Variants in SH3BGRL2 observed in about 807,000 individuals in gnomAD.
SH3BGRL2 encodes SH3 domain-binding glutamic acid-rich-like protein 2.
In SH3BGRL2, 21 loss-of-function variants were observed where a neutral mutation model predicts 14.8. The observed-to-expected ratio is 1.42, with a 90% CI of 1.01 to 2.05. The LOEUF (loss-of-function observed/expected upper bound fraction) is 2.05, where lower values mean the gene tolerates loss of function less well. Among genes scored for constraint, SH3BGRL2 ranks in the 30% most tolerant of loss-of-function variants. SH3BGRL2 has a pLI of 0.00. For missense variants in SH3BGRL2, 147 were observed against 130.8 expected (o/e 1.12, Z -0.61); for synonymous variants, 50 against 47.8 (o/e 1.05, Z -0.19).
At chr6:79,655,204 T>G (rs778712389) in intron 1 of SH3BGRL2, among the ~76,000 whole-genome samples, 14 of 152,054 alleles carry the variant, frequency 9.2e-5, no homozygotes, top group Non-Finnish European at 1.8e-4. Context: ...AGCATATGAG[T>G]TAGCTAGGTG....
chr6:79,670,013 G>GA (rs1364798469), intron 1 of SH3BGRL2, among the ~76,000 whole-genome samples: 1 of 152,208 alleles, frequency 6.6e-6, no homozygotes, highest in East Asian at 1.9e-4. Flanking sequence ...GGCATTGGGG[G>GA]ATCACACAGT....
At chr6:79,672,496 C>G (rs1769793344) in intron 1 of SH3BGRL2, among the ~76,000 whole-genome samples, 1 of 152,018 alleles carries the variant, frequency 6.6e-6, no homozygotes, top group Non-Finnish European at 1.5e-5. Flanking sequence ...TCTTGGAGAG[C>G]TTTTCATAAC....
At chr6:79,629,893 A>G (rs1013214031), upstream of SH3BGRL2, among the ~76,000 whole-genome samples, 1 of 152,214 alleles carries the variant, frequency 6.6e-6, no homozygotes, top group Non-Finnish European at 1.5e-5. Flanking sequence ...GAGTTTAACT[A>G]TATCTTCATA....
chr6:79,618,299 T>G, the SH3BGRL2 span, among the ~76,000 whole-genome samples: 1 of 152,206 alleles, frequency 6.6e-6, no homozygotes, highest in East Asian at 1.9e-4. Flanking sequence ...TTATTCAATT[T>G]TTATAATCAG....
the SH3BGRL2 span, among the ~76,000 whole-genome samples, chr6:79,610,063 A>T: frequency 6.6e-6 from 1 of 152,258 alleles, no homozygotes; most frequent in African/African-American, 2.4e-5. Context: ...CACTGAGTTT[A>T]CATTCGCTCC....
At chr6:79,547,564 C>A in the SH3BGRL2 span, among the ~76,000 whole-genome samples, 13,625 of 152,176 alleles carry the variant, frequency 0.09, 1,422 homozygotes, top group East Asian at 0.55. Context: ...AAGCTGGATC[C>A]ATTCCCTCTC....
chr6:79,563,632 T>C, the SH3BGRL2 span, among the ~76,000 whole-genome samples: 1 of 152,174 alleles, frequency 6.6e-6, no homozygotes, highest in East Asian at 1.9e-4. Context: ...TGCAGCCCAA[T>C]TGCCCCTGTA....
At chr6:79,552,195 C>T in the SH3BGRL2 span, among the ~76,000 whole-genome samples, 1 of 152,208 alleles carries the variant, frequency 6.6e-6, no homozygotes, top group Non-Finnish European at 1.5e-5. Context: ...GAGAAAGTTA[C>T]TGGAATCAGT....
At chr6:79,557,812 C>G in the SH3BGRL2 span, among the ~76,000 whole-genome samples, 29 of 152,260 alleles carry the variant, frequency 1.9e-4, no homozygotes, top group Non-Finnish European at 1.0e-4. Flanking sequence ...TTTTATGTCT[C>G]ACTTGGAAGG....
chr6:79,559,920 CTCTTAT>C, the SH3BGRL2 span, among the ~76,000 whole-genome samples: 3 of 152,194 alleles, frequency 2.0e-5, no homozygotes, highest in East Asian at 1.9e-4. Context: ...GTTATTTGTA[CTCTTAT>C]TCTTGTAAAT....
At chr6:79,553,520 C>T in the SH3BGRL2 span, among the ~76,000 whole-genome samples, 1 of 152,218 alleles carries the variant, frequency 6.6e-6, no homozygotes, top group East Asian at 1.9e-4. Context: ...CTTGCATGAA[C>T]AAGTAAATGA....
chr6:79,688,809 C>T (rs1035521339), intron 2 of SH3BGRL2, among the ~76,000 whole-genome samples: 5 of 152,152 alleles, frequency 3.3e-5, no homozygotes, highest in Admixed American at 3.3e-4. Context: ...CTATATTAAT[C>T]TTAAATTATT....
At chr6:79,537,717 G>A in the SH3BGRL2 span, among the ~76,000 whole-genome samples, 1 of 152,088 alleles carries the variant, frequency 6.6e-6, no homozygotes, top group Admixed American at 6.5e-5. Flanking sequence ...GGCAAAGTGG[G>A]TTCATGATAT....
intron 1 of SH3BGRL2, among the ~76,000 whole-genome samples, chr6:79,672,436 G>T (rs1332153804): frequency 6.6e-6 from 1 of 151,810 alleles, no homozygotes. Context: ...TTTAAAGTGG[G>T]CTTAGTCTAC....
intron 2 of SH3BGRL2, among the ~76,000 whole-genome samples, chr6:79,686,046 A>G (rs538698297): frequency 1.3e-5 from 2 of 152,344 alleles, no homozygotes; most frequent in South Asian, 4.1e-4. Context: ...ATAAAAGACT[A>G]GATTTAAAAC....
chr6:79,654,685 G>A (rs1769368851), intron 1 of SH3BGRL2, among the ~76,000 whole-genome samples: 1 of 152,186 alleles, frequency 6.6e-6, no homozygotes, highest in African/African-American at 2.4e-5. Flanking sequence ...AGGTCTAGGA[G>A]AAATATTTTG....
chr6:79,681,707 CTT>C (rs1159228331), intron 2 of SH3BGRL2, among the ~76,000 whole-genome samples: 1 of 152,116 alleles, frequency 6.6e-6, no homozygotes, highest in South Asian at 2.1e-4. Context: ...TTATGTAAGA[CTT>C]TTGGGAACAC....
the SH3BGRL2 span, among the ~76,000 whole-genome samples, chr6:79,618,907 ACT>A: frequency 6.7e-6 from 1 of 148,996 alleles, no homozygotes; most frequent in African/African-American, 2.5e-5. Flanking sequence ...ACAGAGTGAG[ACT>A]CTGTCAAAAA....
intron 1 of SH3BGRL2, among the ~76,000 whole-genome samples, chr6:79,663,672 G>A (rs868589640): frequency 6.6e-6 from 1 of 152,212 alleles, no homozygotes; most frequent in African/African-American, 2.4e-5. Context: ...CTCAAACATC[G>A]TGCTTAGAGA....
Sources: allele counts gnomAD v4.1 joint callset (sites outside exome capture counted in the v4.1 genomes callset), GRCh38; gene constraint gnomAD v4.1.1; transcripts MANE v1.5; gene names NCBI Gene and HGNC (gene_info 2026-07-23, HGNC 2026-07-21).